Variants in SULT1E1 observed in about 807,000 individuals in gnomAD.
SULT1E1 encodes sulfotransferase 1E1.
A neutral mutation model predicts 33.6 loss-of-function variants in SULT1E1; 36 were observed. The observed-to-expected ratio is 1.07, with a 90% CI of 0.82 to 1.41. The LOEUF is 1.41. Among genes scored for constraint, SULT1E1 ranks in the 40% most tolerant of loss-of-function variants. The pLI is 0.00. For synonymous variants in SULT1E1, 121 were observed against 111.7 expected (o/e 1.08, Z -0.53); for missense variants, 371 against 345.7 (o/e 1.07, Z -0.58).
the SULT1E1 span, among the ~76,000 whole-genome samples, chr4:69,828,454 T>G: frequency 6.6e-6 from 1 of 151,944 alleles, no homozygotes; most frequent in East Asian, 1.9e-4. Context: ...TAACACTCAC[T>G]GCAAAGGTCT....
Position 69,854,267 on chromosome 4 carries a change from G to C in SULT1E1, c.319C>G (p.His107Asp). 1 of 1,611,860 alleles carries C rather than the reference G, an allele frequency of 6.2e-7. No individual in the cohort carries two copies. Among genetic ancestry groups the C allele is most frequent in the Non-Finnish European group, 8.5e-7 (1 of 1,178,616 alleles). ...EMNSPRIVKT[H>D]LPPELLPASF... ...GCAGGAAGAAGTTCAGGTGGCAAAT[G>C]AGTCTTCACAATTCTAGGAGAATTC... is the stretch of plus-strand genomic sequence containing the variant. The change falls in exon 4 of 8, where the codon CAT (histidine) becomes GAT (aspartate). Residue 107 changes from histidine (H) to aspartate (D), a missense_variant. Transcript: ENST00000226444.
chr4:69,829,802 C>T, the SULT1E1 span, among the ~76,000 whole-genome samples: 1 of 152,160 alleles, frequency 6.6e-6, no homozygotes, highest in Admixed American at 6.5e-5. Flanking sequence ...TGGATAGTGG[C>T]CCTATAAGTC....
chr4:69,837,398 T>C (rs892132022), downstream of SULT1E1, among the ~76,000 whole-genome samples: 5 of 152,086 alleles, frequency 3.3e-5, no homozygotes, highest in African/African-American at 1.2e-4. Flanking sequence ...TAAGGTTTAT[T>C]TGGCTTTTTC....
Position 69,846,967 on chromosome 4 carries a change from A to C in SULT1E1, c.591+731T>G, listed in dbSNP as rs182698352. ...TCTTCTTCTGGAAGTTTGAGTTGAT[A>C]TATGTGAGACATTATCACTGTATCT... is the stretch of plus-strand genomic sequence containing the variant. On this transcript the variant is annotated intron_variant, in intron 6 of 7. Transcript: ENST00000226444. Among the ~76,000 whole-genome samples, 163 of 151,892 alleles carry C rather than the reference A, an allele frequency of 1.1e-3. No homozygotes were observed. In the Middle Eastern group the frequency reaches 0.014, roughly 13 times the overall value.
chr4:69,830,211 C>A, the SULT1E1 span, among the ~76,000 whole-genome samples: 1 of 152,220 alleles, frequency 6.6e-6, no homozygotes, highest in Admixed American at 6.5e-5. Context: ...AGGGCTGCTG[C>A]CAGCAAATCA....
chr4:69,830,305 C>T, the SULT1E1 span, among the ~76,000 whole-genome samples: 3 of 152,230 alleles, frequency 2.0e-5, no homozygotes, highest in East Asian at 1.9e-4. Context: ...CCTCAATAAG[C>T]TGAGTAGCAT....
intron 6 of SULT1E1, among the ~76,000 whole-genome samples, chr4:69,847,100 C>T (rs1249441847): frequency 6.6e-6 from 1 of 151,614 alleles, no homozygotes; most frequent in African/African-American, 2.4e-5. Flanking sequence ...ATAGAATTTC[C>T]TTAGCTCCAT....
chr4:69,833,868 A>G, the SULT1E1 span, among the ~76,000 whole-genome samples: 2 of 152,212 alleles, frequency 1.3e-5, no homozygotes, highest in Non-Finnish European at 2.9e-5. Flanking sequence ...ATTCTATGTT[A>G]AAAGCCATCA....
chr4:69,854,767 C>T (rs2110072893), intron 3 of SULT1E1, among the ~76,000 whole-genome samples: 1 of 152,106 alleles, frequency 6.6e-6, no homozygotes, highest in Admixed American at 6.5e-5. Flanking sequence ...CAATACCATG[C>T]ACACAGATGA....
intron 5 of SULT1E1, among the ~76,000 whole-genome samples, chr4:69,848,213 C>T (rs1472290479): frequency 6.6e-6 from 1 of 151,470 alleles, no homozygotes; most frequent in Non-Finnish European, 1.5e-5. Context: ...TTACCATTTA[C>T]AAACTAGGTT....
chr4:69,859,580 T>C (rs977778650), intron 1 of SULT1E1, among the ~76,000 whole-genome samples: 13 of 152,146 alleles, frequency 8.5e-5, no homozygotes, highest in South Asian at 6.2e-4. Flanking sequence ...AGGCAATATA[T>C]GTCAATGACC....
chr4:69,828,923 T>C, the SULT1E1 span, among the ~76,000 whole-genome samples: 1 of 152,206 alleles, frequency 6.6e-6, no homozygotes, highest in South Asian at 2.1e-4. Context: ...ACACAGTCAC[T>C]GCTCGGTGAG....
intron 6 of SULT1E1, among the ~76,000 whole-genome samples, chr4:69,846,318 A>AAAAAAAAAAAAAAAG (rs1720976277): frequency 6.7e-6 from 1 of 149,234 alleles, no homozygotes; most frequent in Non-Finnish European, 1.5e-5. Context: ...AAAAAAAAAA[A>AAAAAAAAAAAAAAAG]AAAAGAAAAG....
In SULT1E1 at chr4:69,851,373, A is replaced by G. The variant is rs568249595; in HGVS notation, c.370-1810T>C. Among the ~76,000 whole-genome samples the G allele has an allele frequency of 3.9e-5, 6 of 152,318 alleles. No individual in the cohort carries two copies. The East Asian group carries it at 1.2e-3, about 29-fold the overall frequency. On this transcript the variant is annotated intron_variant, in intron 4 of 7. Coordinates refer to ENST00000226444, the MANE Select transcript of SULT1E1 (RefSeq NM_005420.3). ...ATGCAGCCAACAGACACATGAAAAA[A>G]TGCTCAGCATCACTGGCCATCAGAG...
the SULT1E1 span, among the ~76,000 whole-genome samples, chr4:69,835,052 C>T: frequency 6.6e-6 from 1 of 152,128 alleles, no homozygotes; most frequent in African/African-American, 2.4e-5. Flanking sequence ...TAACTCCATC[C>T]TTACCTCTTA....
downstream of SULT1E1, among the ~76,000 whole-genome samples, chr4:69,836,592 A>T (rs1438201701): frequency 6.6e-6 from 1 of 152,168 alleles, no homozygotes; most frequent in Admixed American, 6.5e-5. Context: ...CCAGTGAAAG[A>T]GATTGGTTAG....
intron 2 of SULT1E1, among the ~76,000 whole-genome samples, chr4:69,857,252 A>G (rs903836749): frequency 5.9e-5 from 9 of 152,096 alleles, no homozygotes; most frequent in Admixed American, 2.0e-4. Context: ...GGATGAATAC[A>G]GGTTCATTAG....
chr4:69,822,972 A>C, the SULT1E1 span, among the ~76,000 whole-genome samples: 2 of 152,338 alleles, frequency 1.3e-5, no homozygotes, highest in Admixed American at 1.3e-4. Flanking sequence ...CGTGCTGAGT[A>C]TATCCATAAT....
chr4:69,828,121 C>A, the SULT1E1 span, among the ~76,000 whole-genome samples: 41 of 152,298 alleles, frequency 2.7e-4, no homozygotes, highest in African/African-American at 9.6e-4. Context: ...CATTGATGGT[C>A]AGGAAATTGT....
Sources: gnomAD v4.1 joint callset for allele counts (sites outside exome capture counted in the v4.1 genomes callset) on GRCh38, gnomAD v4.1.1 for gene constraint, MANE v1.5 for transcripts, NCBI Gene and HGNC (gene_info 2026-07-23, HGNC 2026-07-21) for gene names.